RASGRP1: variants seen among roughly 807,000 people sequenced by gnomAD.
RASGRP1 encodes the protein RAS guanyl releasing protein 1.
RASGRP1 carries 37 observed loss-of-function variants against 95.1 expected under a neutral mutation model. That is an observed-to-expected ratio of 0.39 (90% confidence interval 0.30 to 0.51). The LOEUF (loss-of-function observed/expected upper bound fraction) is 0.51. Ranked by LOEUF, RASGRP1 falls within the 20% of genes least tolerant of loss-of-function variation. RASGRP1 has a pLI of 0.80. For synonymous variants in RASGRP1, 325 were observed against 353.4 expected (o/e 0.92, Z 0.90); for missense variants, 711 against 965.4 (o/e 0.74, Z 3.49).
chr15:38,524,654 T>C (rs567901203), intron 3 of RASGRP1, among the ~76,000 whole-genome samples: 2 of 151,664 alleles, frequency 1.3e-5, no homozygotes, highest in Admixed American at 6.6e-5. Context: ...AAGTGAGGAG[T>C]AGTAAAGAGA....
At chr15:38,522,617 A>C (rs2141133929) in intron 3 of RASGRP1, among the ~76,000 whole-genome samples, 1 of 152,340 alleles carries the variant, frequency 6.6e-6, no homozygotes, top group East Asian at 1.9e-4. Flanking sequence ...GAAGGGCTGG[A>C]AAAGTCTAGA....
At chr15:38,516,971 C>T (rs138731701) in intron 5 of RASGRP1, among the ~76,000 whole-genome samples, 55 of 152,222 alleles carry the variant, frequency 3.6e-4, no homozygotes, top group Non-Finnish European at 6.6e-4. Context: ...TTGTAATCAA[C>T]CCATGCATTT....
chr15:38,519,272 G>A (rs368805498), intron 4 of RASGRP1, 37 bp downstream of exon 4: 23 of 1,492,150 alleles, frequency 1.5e-5, no homozygotes, highest in Non-Finnish European at 2.1e-5. Flanking sequence ...ATTTCACCTT[G>A]CTCCACAAAG....
At chr15:38,520,420 A>T (rs925495184) in intron 3 of RASGRP1, among the ~76,000 whole-genome samples, 1 of 152,220 alleles carries the variant, frequency 6.6e-6, no homozygotes, top group African/African-American at 2.4e-5. Context: ...AAAGAAAAGC[A>T]AAAGAGAGTC....
intron 16 of RASGRP1, among the ~76,000 whole-genome samples, chr15:38,491,817 A>G (rs1438664111): frequency 1.3e-5 from 2 of 152,122 alleles, no homozygotes; most frequent in African/African-American, 4.8e-5. Context: ...CGGTGGTCAA[A>G]ATGGTGAGAG....
intron 1 of RASGRP1, among the ~76,000 whole-genome samples, chr15:38,560,877 A>G (rs1299207907): frequency 6.6e-6 from 1 of 152,120 alleles, no homozygotes; most frequent in Non-Finnish European, 1.5e-5. Flanking sequence ...ACTTTCATCT[A>G]CTCACACGCA....
chr15:38,505,939 C>G lies in RASGRP1; in HGVS notation c.1243-19G>C. 6.3e-7 allele frequency: 1 copy of G among 1,577,748 alleles called. No individual in the cohort carries two copies. Among genetic ancestry groups the G allele is most frequent in the Non-Finnish European group, 8.7e-7 (1 of 1,151,814 alleles). The stretch of plus-strand genomic sequence containing the variant: ...GGGATAACTGCAGATCAAAGCAGAA[C>G]AGGGTTCATTGCTAAGATGCTGTTT... On this transcript the variant is annotated intron_variant, in intron 9 of 16. Coordinates refer to ENST00000310803, the MANE Select transcript of RASGRP1 (RefSeq NM_005739.4).
chr15:38,490,557 A>G lies in RASGRP1; in HGVS notation c.2391T>C (p.Ser797=). 1 of 1,612,270 alleles carries G rather than the reference A, an allele frequency of 6.2e-7. No individual in the cohort carries two copies. The part of the protein sequence containing the change: ...VLAQMEQGDC[S] Reference sequence around the variant, plus strand: ...ATTGTGCTACTTAGTTTCTGGGCTAAGAACAGTCACCCTGCTCCATTTGAG... The same window carrying G: ...ATTGTGCTACTTAGTTTCTGGGCTAGGAACAGTCACCCTGCTCCATTTGAG... Residue 797 remains serine, a synonymous_variant, in exon 17 of 17, where the codon TCT becomes TCC. Transcript: ENST00000310803.
intron 16 of RASGRP1, among the ~76,000 whole-genome samples, chr15:38,492,457 C>CGA (rs1279091004): frequency 7.2e-4 from 109 of 152,292 alleles, no homozygotes; most frequent in Non-Finnish European, 1.2e-3. Context: ...GACAGTTTTT[C>CGA]AGTCTGTAGA....
intron 1 of RASGRP1, among the ~76,000 whole-genome samples, chr15:38,561,300 CTGT>C (rs2141202487): frequency 6.6e-6 from 1 of 152,268 alleles, no homozygotes; most frequent in South Asian, 2.1e-4. Context: ...ATACTAGCTG[CTGT>C]TGTTACATAA....
intron 2 of RASGRP1, among the ~76,000 whole-genome samples, chr15:38,546,229 TTA>T (rs1893099063): frequency 6.7e-6 from 1 of 149,660 alleles, no homozygotes; most frequent in African/African-American, 2.6e-5. Flanking sequence ...ATTTATTTAT[TTA>T]TTTTTGAGAT....
In RASGRP1 at chr15:38,488,728, T is replaced by G. The variant is rs954580310; in HGVS notation, c.*1826A>C. 6.6e-6 allele frequency: 1 copy of G among 151,990 alleles called. No individual in the cohort carries two copies. The highest frequency in any genetic ancestry group is 2.4e-5 in the African/African-American group (1 of 41,436). The allele number at this position is 151,990 out of a possible 1,614,324, so 9.4% of individuals were successfully genotyped here. On this transcript the variant is annotated 3_prime_UTR_variant, in exon 17 of 17. Coordinates refer to ENST00000310803, the MANE Select transcript of RASGRP1 (RefSeq NM_005739.4). ...TGTTTTAAAAAATTAGAGTACACCA[T>G]CTTTGGTCTATATCAATCAAAGGAA... is the stretch of plus-strand genomic sequence containing the variant.
intron 9 of RASGRP1, 144 bp from the exon 10 acceptor site, chr15:38,506,064 A>G (rs1891240747): frequency 6.4e-6 from 4 of 626,928 alleles, no homozygotes; most frequent in Non-Finnish European, 1.1e-5. Flanking sequence ...CAAAACAGGT[A>G]TAACACCTAC....
chr15:38,505,723 A>G, intron 10 of RASGRP1, 117 bp downstream of exon 10: 4 of 792,982 alleles, frequency 5.0e-6, no homozygotes, highest in Non-Finnish European at 8.5e-6. Context: ...GTTGAGCACT[A>G]AGAAAAACAG....
At chr15:38,522,489 C>G (rs571192745) in intron 3 of RASGRP1, among the ~76,000 whole-genome samples, 41 of 152,094 alleles carry the variant, frequency 2.7e-4, no homozygotes, top group African/African-American at 9.9e-4. Context: ...TACATCCAGG[C>G]CAGAGATATG....
At chr15:38,520,855 T>C (rs2141131037) in intron 3 of RASGRP1, among the ~76,000 whole-genome samples, 1 of 152,298 alleles carries the variant, frequency 6.6e-6, no homozygotes, top group South Asian at 2.1e-4. Flanking sequence ...AACAGTAAGA[T>C]TTGCAAGCTA....
In RASGRP1 at chr15:38,561,126, G is replaced by GA. The variant is rs566234494; in HGVS notation, c.36-1122dup. Among the ~76,000 whole-genome samples, 8 of 152,068 alleles carry GA rather than the reference G, an allele frequency of 5.3e-5. No homozygotes were observed. In the South Asian group the frequency reaches 6.2e-4, roughly 12 times the overall value. The stretch of plus-strand genomic sequence containing the variant: ...CTACCAAAGCAGCAAAGAGAAAAAG[G>GA]AAAAAAACGTACCTCTGAAGTGTAA... On this transcript the variant is annotated intron_variant, in intron 1 of 16. Coordinates refer to ENST00000310803, the MANE Select transcript of RASGRP1 (RefSeq NM_005739.4).
chr15:38,525,476 C>A (rs865842159), intron 3 of RASGRP1, among the ~76,000 whole-genome samples: 4 of 152,196 alleles, frequency 2.6e-5, no homozygotes, highest in Non-Finnish European at 5.9e-5. Flanking sequence ...AATGCTCCCC[C>A]ACTTTGTGTG....
At chr15:38,548,335 A>G (rs1893188777) in intron 2 of RASGRP1, among the ~76,000 whole-genome samples, 1 of 152,148 alleles carries the variant, frequency 6.6e-6, no homozygotes, top group Admixed American at 6.6e-5. Flanking sequence ...GGCTGAGGTG[A>G]GCAGATCACT....
Sources: gnomAD v4.1 joint callset for allele counts (sites outside exome capture counted in the v4.1 genomes callset) on GRCh38, gnomAD v4.1.1 for gene constraint, MANE v1.5 for transcripts, NCBI Gene and HGNC (gene_info 2026-07-23, HGNC 2026-07-21) for gene names.